Variants in ZBTB45 observed in about 807,000 individuals in gnomAD.
The protein encoded by ZBTB45 is zinc finger and BTB domain containing 45.
In ZBTB45, 22 loss-of-function variants were observed where a neutral mutation model predicts 28.4. The observed-to-expected ratio is 0.77, with a 90% CI of 0.55 to 1.10. ZBTB45 has a LOEUF of 1.10. Ranked by LOEUF, ZBTB45 falls within the 50% of genes least tolerant of loss-of-function variation. ZBTB45 has a pLI of 0.00. For synonymous variants in ZBTB45, 361 were observed against 332.3 expected, an observed-to-expected ratio of 1.09 and a Z score of -0.94; for missense variants, 656 against 750.2, an observed-to-expected ratio of 0.87 and a Z score of 1.47.
At chr19:58,522,877 G>C (rs367812748), upstream of ZBTB45, among the ~76,000 whole-genome samples, 10 of 152,128 alleles carry the variant, frequency 6.6e-5, no homozygotes, top group South Asian at 2.1e-4. Context: ...GTGTGTTGAG[G>C]GGGGGAAGCC....
At chr19:58,535,891 GA>G (rs2053657384) in intron 1 of ZBTB45, among the ~76,000 whole-genome samples, 1 of 152,106 alleles carries the variant, frequency 6.6e-6, no homozygotes, top group Admixed American at 6.5e-5. Flanking sequence ...ATGTCCTTGT[GA>G]TTTTCTCTAG....
At chr19:58,528,326 G>C (rs1018697955) in intron 1 of ZBTB45, among the ~76,000 whole-genome samples, 9 of 152,040 alleles carry the variant, frequency 5.9e-5, no homozygotes, top group Admixed American at 5.9e-4. Flanking sequence ...ACACCGCCTC[G>C]TGTTGTTTGT....
rs1055225783 is a variant in ZBTB45, at chr19:58,526,777, C to T, written c.1-9104G>A. ...CGATCTCCTGACCTCGTGATCCGCC[C>T]GCCTCGGCCTCCCAAAGTGCTGGGA... On this transcript the variant is annotated intron_variant, in intron 1 of 1. Transcript: ENST00000600130. 9.6e-5 allele frequency among the ~76,000 whole-genome samples: 14 copies of T among 145,774 alleles called. No homozygotes were observed. In the South Asian group the frequency reaches 2.0e-3, roughly 21 times the overall value.
At chr19:58,535,245 A>ATCC (rs778407635) in intron 1 of ZBTB45, among the ~76,000 whole-genome samples, 15 of 151,898 alleles carry the variant, frequency 9.9e-5, no homozygotes, top group Non-Finnish European at 2.1e-4. Flanking sequence ...TGATCCCGTG[A>ATCC]TCCGCCTGCT....
chr19:58,514,726 T>TCTC (rs1399443671), intron 2 of ZBTB45, among the ~76,000 whole-genome samples: 1 of 151,970 alleles, frequency 6.6e-6, no homozygotes, highest in Non-Finnish European at 1.5e-5. Flanking sequence ...CCCACTGGGA[T>TCTC]CTCCCTCTAC....
chr19:58,527,352 G>A (rs1271761645), intron 1 of ZBTB45, among the ~76,000 whole-genome samples: 1 of 152,100 alleles, frequency 6.6e-6, no homozygotes, highest in Admixed American at 6.5e-5. Flanking sequence ...ATTGTGTTGT[G>A]TAACCTTCAC....
chr19:58,517,506 G>A lies in ZBTB45; in HGVS notation c.168C>T (p.Pro56=), dbSNP rs776806117. 2 of 1,613,248 alleles carry A rather than the reference G, an allele frequency of 1.2e-6. No individual in the cohort carries two copies. Among genetic ancestry groups the A allele is most frequent in the Admixed American group, 1.7e-5 (1 of 59,968 alleles). Residue 56 remains proline, a synonymous_variant, in exon 2 of 3, where the codon CCC becomes CCT. Coordinates refer to ENST00000594051, the MANE Select transcript of ZBTB45 (RefSeq NM_001316979.2). ...CGAGCAGCAGCTTGTCTTGGAAGAA[G>A]GGTGAGCCGGCCGCCAGCACGCAGC... The part of the protein sequence containing the change: ...AHRCVLAAGS[P]FFQDKLLLGH...
intron 1 of ZBTB45, among the ~76,000 whole-genome samples, chr19:58,528,793 C>G (rs530704101): frequency 6.6e-6 from 1 of 151,284 alleles, no homozygotes; most frequent in Non-Finnish European, 1.5e-5. Context: ...ACTCAGGAGG[C>G]TGAGGCAGGA....
At chr19:58,528,673 T>C (rs1297873735) in intron 1 of ZBTB45, among the ~76,000 whole-genome samples, 1 of 152,094 alleles carries the variant, frequency 6.6e-6, no homozygotes, top group African/African-American at 2.4e-5. Context: ...GGTGGGCGGA[T>C]CACGAGGTCA....
intron 1 of ZBTB45, among the ~76,000 whole-genome samples, chr19:58,527,177 C>T (rs553392663): frequency 9.2e-5 from 14 of 152,114 alleles, no homozygotes; most frequent in Non-Finnish European, 1.9e-4. Context: ...TCTATTGCAC[C>T]CACTGCTCCT....
chr19:58,519,414 A>G (rs960425846), intron 1 of ZBTB45: 1 of 150,892 alleles, frequency 6.6e-6, no homozygotes, highest in African/African-American at 2.4e-5. Flanking sequence ...GACACTTCAG[A>G]ACAAAGGCCT....
intron 1 of ZBTB45, among the ~76,000 whole-genome samples, chr19:58,527,776 CT>C (rs145356426): frequency 0.013 from 1,930 of 152,278 alleles, 48 homozygotes; most frequent in African/African-American, 0.043. Context: ...TGTCCCCTCC[CT>C]CTTTACAAGG....
chr19:58,524,744 G>A (rs1480670088), upstream of ZBTB45, among the ~76,000 whole-genome samples: 1 of 151,812 alleles, frequency 6.6e-6, no homozygotes, highest in African/African-American at 2.4e-5. Context: ...TTAGCTGGGC[G>A]TGGTGGCAGG....
chr19:58,532,776 G>T (rs180677155), intron 1 of ZBTB45, among the ~76,000 whole-genome samples: 1 of 152,134 alleles, frequency 6.6e-6, no homozygotes, highest in African/African-American at 2.4e-5. Flanking sequence ...TCAGACTCCT[G>T]ACTCAGGTGA....
intron 1 of ZBTB45, among the ~76,000 whole-genome samples, chr19:58,533,970 G>A (rs994642659): frequency 7.9e-5 from 12 of 152,226 alleles, no homozygotes; most frequent in Non-Finnish European, 1.6e-4. Context: ...AATGTGCACT[G>A]AGAAGCCAGA....
Position 58,517,650 on chromosome 19 carries a change from A to T in ZBTB45, c.24T>A (p.His8Gln), listed in dbSNP as rs1479672298. The change falls in exon 2 of 3, where the codon CAT (histidine) becomes CAA (glutamine). Residue 8 changes from histidine to glutamine, a missense_variant. Physicochemically the swap from His to Gln is conservative, Grantham distance 24. This residue lies in a region of ZBTB45 where 105 missense variants were observed against 152.4 expected (regional missense o/e 0.69). Transcript: ENST00000594051. MAAAEAV[H>Q]HIHLQNFSRS... ...GTGAGAAGTTCTGCAGGTGTATGTG[A>T]TGCACAGCCTCTGCAGCCGCCATCT... 6.2e-7 allele frequency: 1 copy of T among 1,613,306 alleles called. No homozygotes were observed. Among genetic ancestry groups the T allele is most frequent in the East Asian group, 2.2e-5 (1 of 44,882 alleles).
intron 1 of ZBTB45, among the ~76,000 whole-genome samples, chr19:58,535,413 T>A (rs947851627): frequency 1.3e-5 from 2 of 151,228 alleles, no homozygotes; most frequent in Non-Finnish European, 2.9e-5. Flanking sequence ...GGCAGGTGGA[T>A]CACCTGAGAT....
intron 1 of ZBTB45, among the ~76,000 whole-genome samples, chr19:58,528,275 C>T (rs1187430708): frequency 6.6e-6 from 1 of 152,136 alleles, no homozygotes. Context: ...CCTGTCCTTA[C>T]TTGGGACACC....
rs775525593 is a variant in ZBTB45, at chr19:58,516,903, A to G, written c.771T>C (p.Pro257=). ...AAADSACEEP[P]APTGLADYSG... is the part of the protein sequence containing the mutation. The stretch of plus-strand genomic sequence containing the variant: ...TGTAGTCAGCGAGGCCAGTGGGTGC[A>G]GGGGGCTCCTCGCACGCGCTGTCAG... Residue 257 remains proline (P), a synonymous_variant, in exon 2 of 3, where the codon CCT becomes CCC. Coordinates refer to ENST00000594051, the MANE Select transcript of ZBTB45 (RefSeq NM_001316979.2). The surrounding 1 kb of genome is among the most constrained non-coding windows in gnomAD (Gnocchi z 6.2). 1 of 1,613,224 alleles carries G rather than the reference A, an allele frequency of 6.2e-7. No individual in the cohort carries two copies. The highest frequency in any genetic ancestry group is 8.5e-7 in the Non-Finnish European group (1 of 1,180,024).
Sources: allele counts gnomAD v4.1 joint callset (sites outside exome capture counted in the v4.1 genomes callset), GRCh38; gene constraint gnomAD v4.1.1; regional missense constraint gnomAD v4.1.1; non-coding constraint Gnocchi (gnomAD v3.1); transcripts MANE v1.5; gene names NCBI Gene and HGNC (gene_info 2026-07-23, HGNC 2026-07-21).